The following AFF2 variants were observed in gnomAD, a reference collection of about 807,000 sequenced individuals.
AFF2 encodes ALF transcription elongation factor 2.
In AFF2, 14 loss-of-function variants were observed where a neutral mutation model predicts 76.9. The observed-to-expected ratio is 0.18, with a 90% CI of 0.12 to 0.28. The LOEUF is 0.28. AFF2 is among the 10% of genes least tolerant of loss of function. The pLI, the probability that AFF2 is intolerant of heterozygous loss-of-function variation, is 1.00. For missense variants in AFF2, 868 were observed against 1,001.1 expected, an observed-to-expected ratio of 0.87 and a Z score of 1.79; for synonymous variants, 398 against 366.7, an observed-to-expected ratio of 1.09 and a Z score of -0.98.
intron 13 of AFF2, among the ~76,000 whole-genome samples, chrX:148,965,255 A>C (rs2072158000): frequency 8.9e-6 from 1 of 112,247 alleles, no homozygotes; most frequent in South Asian, 3.7e-4. Context: ...GAAAGGGACA[A>C]ATTCGAGAGA....
intron 20 of AFF2, among the ~76,000 whole-genome samples, chrX:148,990,695 A>G (rs191048802): frequency 8.9e-6 from 1 of 112,041 alleles, no homozygotes; most frequent in East Asian, 2.8e-4. Context: ...AATTGGTAAG[A>G]AGACTTACAG....
intron 1 of AFF2, among the ~76,000 whole-genome samples, chrX:148,580,008 G>C (rs1271015726): frequency 1.8e-5 from 2 of 111,685 alleles, no homozygotes; most frequent in African/African-American, 6.5e-5. Flanking sequence ...TGCAGATAGT[G>C]CATGATTTTT....
chrX:148,920,519 G>A (rs1199521667), intron 9 of AFF2, among the ~76,000 whole-genome samples: 5 of 111,452 alleles, frequency 4.5e-5, no homozygotes, highest in African/African-American at 1.3e-4. Flanking sequence ...AGCTAAATAA[G>A]CATTTCTTAA....
chrX:148,539,011 G>T (rs186452084), intron 1 of AFF2, among the ~76,000 whole-genome samples: 12 of 111,842 alleles, frequency 1.1e-4, no homozygotes, highest in African/African-American at 3.9e-4. Context: ...CTGCTGAGCA[G>T]AGTATTTATG....
chrX:148,758,157 G>C (rs1049475304), intron 3 of AFF2, among the ~76,000 whole-genome samples: 4 of 112,633 alleles, frequency 3.6e-5, no homozygotes, highest in Non-Finnish European at 3.8e-5. Flanking sequence ...GACCATGTAA[G>C]TAGGGGCAGA....
At chrX:148,750,082 C>T (rs1181364352) in intron 3 of AFF2, among the ~76,000 whole-genome samples, 1 of 110,154 alleles carries the variant, frequency 9.1e-6, no homozygotes, top group African/African-American at 3.3e-5. Context: ...ATTCTCCTGC[C>T]TCAGCCTCCC....
At chrX:148,850,748 G>A (rs1013934054) in intron 7 of AFF2, among the ~76,000 whole-genome samples, 1 of 112,608 alleles carries the variant, frequency 8.9e-6, no homozygotes, top group East Asian at 2.8e-4. Flanking sequence ...CAGCATTCCT[G>A]TTAGATAGCC....
At chrX:148,785,106 TGTGA>T (rs782474922) in intron 3 of AFF2, among the ~76,000 whole-genome samples, 1 of 112,403 alleles carries the variant, frequency 8.9e-6, no homozygotes, top group East Asian at 2.8e-4. Flanking sequence ...CCTGAGCTTG[TGTGA>T]GTATGTGTGT....
chrX:148,636,173 T>C (rs782555809), intron 1 of AFF2, among the ~76,000 whole-genome samples: 2 of 111,449 alleles, frequency 1.8e-5, no homozygotes, highest in Non-Finnish European at 3.8e-5. Context: ...GGATCATACA[T>C]TACGATGAAT....
chrX:148,958,539 G>C lies in AFF2; in HGVS notation c.2690+81G>C, dbSNP rs2070461796. The C allele has an allele frequency of 3.6e-6, 4 of 1,107,698 alleles. No homozygotes were observed. The African/African-American group carries it at 5.6e-5, about 15-fold the overall frequency. 91.3% of individuals were successfully genotyped at this position (1,107,698 alleles called of 1,213,427 possible). ...AAATCCTAATTGAACCTGTTTGGGG[G>C]ATCTTGCCCCAGAAGACTTTAAGGT... is the stretch of plus-strand genomic sequence containing the variant. On this transcript the variant is annotated intron_variant, in intron 12 of 20. Transcript: ENST00000370460.
chrX:148,905,169 T>C (rs781961162), intron 9 of AFF2, among the ~76,000 whole-genome samples: 1 of 112,422 alleles, frequency 8.9e-6, no homozygotes, highest in African/African-American at 3.2e-5. Flanking sequence ...TTTTGTATAA[T>C]AAAATAACTA....
intron 7 of AFF2, among the ~76,000 whole-genome samples, chrX:148,853,605 C>A (rs1271761266): frequency 8.9e-6 from 1 of 111,870 alleles, no homozygotes; most frequent in East Asian, 2.8e-4. Context: ...AGTGAGGCGT[C>A]CCAGCTCACA....
At chrX:148,722,397 T>C (rs782160746) in intron 3 of AFF2, among the ~76,000 whole-genome samples, 3 of 110,655 alleles carry the variant, frequency 2.7e-5, no homozygotes, top group Non-Finnish European at 5.7e-5. Context: ...TTTTGTCTTA[T>C]TCCCCCTCTT....
chrX:148,687,005 A>G (rs1281780196), intron 3 of AFF2, among the ~76,000 whole-genome samples: 2 of 112,028 alleles, frequency 1.8e-5, no homozygotes, highest in Non-Finnish European at 3.8e-5. Context: ...GTGTCAAATG[A>G]AAAAATAAGA....
chrX:148,797,934 A>G lies in AFF2; in HGVS notation c.1042-11942A>G, dbSNP rs782066285. Among the ~76,000 whole-genome samples the G allele has an allele frequency of 8.9e-5, 10 of 112,317 alleles. No homozygotes were observed. The East Asian group carries it at 2.5e-3, about 28-fold the overall frequency. Reference sequence around the variant, plus strand: ...CTGTAATTCCTCACTTTAGATATGCAGGTCTTGTCTACTCGTCTATAGTAT... The same window carrying G: ...CTGTAATTCCTCACTTTAGATATGCGGGTCTTGTCTACTCGTCTATAGTAT... On this transcript the variant is annotated intron_variant, in intron 3 of 20. Transcript: ENST00000370460.
intron 9 of AFF2, among the ~76,000 whole-genome samples, chrX:148,916,480 G>C (rs1170738035): frequency 4.5e-5 from 5 of 110,236 alleles, no homozygotes; most frequent in African/African-American, 1.7e-4. Context: ...AAAGTGCTGG[G>C]ATTACAGGCT....
intron 9 of AFF2, among the ~76,000 whole-genome samples, chrX:148,952,485 C>T (rs1258694425): frequency 1.8e-5 from 2 of 111,599 alleles, no homozygotes; most frequent in Non-Finnish European, 3.8e-5. Context: ...CTAAACTGAT[C>T]TCCAAAGAGG....
chrX:148,916,299 T>G (rs2071530845), intron 9 of AFF2, among the ~76,000 whole-genome samples: 1 of 93,207 alleles, frequency 1.1e-5, no homozygotes, highest in East Asian at 3.8e-4. Flanking sequence ...AAGCTCCGCC[T>G]CCCGGGTTCA....
chrX:148,575,952 C>T (rs1315985455), intron 1 of AFF2, among the ~76,000 whole-genome samples: 1 of 110,455 alleles, frequency 9.1e-6, no homozygotes, highest in Non-Finnish European at 1.9e-5. Context: ...GCTTTCTTCT[C>T]TCCTGTCTTT....
Sources: gnomAD v4.1 joint callset for allele counts (sites outside exome capture counted in the v4.1 genomes callset) on GRCh38, gnomAD v4.1.1 for gene constraint, MANE v1.5 for transcripts, NCBI Gene and HGNC (gene_info 2026-07-23, HGNC 2026-07-21) for gene names.